Variants in RAB27A observed in about 807,000 individuals in gnomAD.
RAB27A encodes the protein ras-related protein Rab-27A.
A neutral mutation model predicts 20.8 loss-of-function variants in RAB27A; 17 were observed. That is an observed-to-expected ratio of 0.82 (90% CI 0.56 to 1.23). The LOEUF (loss-of-function observed/expected upper bound fraction) is 1.23. Ranked by LOEUF, RAB27A falls within the 50% of genes most tolerant of loss-of-function variation. The probability of loss-of-function intolerance (pLI) is 0.00; values close to 1 mark genes in which losing one functional copy is unlikely to be tolerated. For missense variants in RAB27A, 277 were observed against 266.7 expected, an observed-to-expected ratio of 1.04 and a Z score of -0.27; for synonymous variants, 85 against 92.8, an observed-to-expected ratio of 0.92 and a Z score of 0.48.
Position 55,227,990 on chromosome 15 carries a change from G to T in RAB27A, c.343+619C>A, listed in dbSNP as rs557511666. 3.3e-5 allele frequency among the ~76,000 whole-genome samples: 5 copies of T among 152,208 alleles called. No homozygotes were observed. The East Asian group carries it at 9.7e-4, about 29-fold the overall frequency. ...CAGTCAAGTGGCAGAATTCGAAATG[G>T]CTATGAACCAATCATTTAGGAGGTT... On this transcript the variant is annotated intron_variant, in intron 5 of 6. Coordinates refer to ENST00000336787, the MANE Select transcript of RAB27A (RefSeq NM_183235.3).
rs370404325 is a variant in RAB27A at position 55,215,402 on chromosome 15, C to T, written c.467+8487G>A. On this transcript the variant is annotated intron_variant, in intron 6 of 6. Transcript: ENST00000336787. ...GCGCGGTGGCTCACGCCTGTCATCCCAGCACTTTGGGAGGCCGAGGAGGGC... is the reference window on the plus strand; with the variant it reads ...GCGCGGTGGCTCACGCCTGTCATCCTAGCACTTTGGGAGGCCGAGGAGGGC... 3.9e-4 allele frequency among the ~76,000 whole-genome samples: 60 copies of T among 152,224 alleles called. No individual in the cohort carries two copies. The East Asian group carries it at 8.9e-3, about 23-fold the overall frequency.
At chr15:55,294,764 C>A (rs566226251), upstream of RAB27A, among the ~76,000 whole-genome samples, 1 of 151,876 alleles carries the variant, frequency 6.6e-6, no homozygotes, top group African/African-American at 2.4e-5. Context: ...TCTTTATGAC[C>A]CTGGGTTTGG....
intron 2 of RAB27A, among the ~76,000 whole-genome samples, chr15:55,312,772 TATTAAC>T (rs1364491736): frequency 6.6e-6 from 1 of 152,220 alleles, no homozygotes; most frequent in African/African-American, 2.4e-5. Context: ...TCCTCAAATG[TATTAAC>T]ATTATGTATT....
At position 55,249,257 on chromosome 15, in the gene RAB27A, T is replaced by G. The variant is rs539181663; in HGVS notation, c.-22-14301A>C. On this transcript the variant is annotated intron_variant, in intron 2 of 6. Transcript: ENST00000336787. ...AATGTGGTCTGCTTAACAACAAATTTGGTGGAATTTAAGAGGAATTAAGTG... is the reference window on the plus strand; with the variant it reads ...AATGTGGTCTGCTTAACAACAAATTGGGTGGAATTTAAGAGGAATTAAGTG... 5.9e-5 allele frequency among the ~76,000 whole-genome samples: 9 copies of G among 152,270 alleles called. No individual in the cohort carries two copies. The South Asian group carries it at 1.7e-3, about 28-fold the overall frequency.
In RAB27A at chr15:55,215,945, CA is replaced by C. The variant is rs1162706734; in HGVS notation, c.467+7943del. On this transcript the variant is annotated intron_variant, in intron 6 of 6. Coordinates refer to ENST00000336787, the MANE Select transcript of RAB27A (RefSeq NM_183235.3). ...TGGGCAACAGAGGGAGACGCCGTCT[CA>C]AAAAAAAAAAAAAAAAAAAAAAGAA... Among the ~76,000 whole-genome samples, 215 of 52,858 alleles carry C rather than the reference CA, an allele frequency of 4.1e-3. 3 individuals carry two copies. Among genetic ancestry groups the C allele is most frequent in the Admixed American group, 0.026 (112 of 4,388 alleles). The allele number at this position is 52,858 out of a possible 152,430, so 34.7% of individuals were successfully genotyped here. A position where few individuals can be genotyped will look rare whatever the true frequency, so the allele number is the denominator to read the frequency against.
Position 55,230,469 on chromosome 15 carries a change from C to G in RAB27A, c.171G>C (p.Gly57=). The G allele has an allele frequency of 1.2e-6, 2 of 1,613,456 alleles. No individual in the cohort carries two copies. The highest frequency in any genetic ancestry group is 1.7e-6 in the Non-Finnish European group (2 of 1,179,516). Residue 57 remains glycine (G), a synonymous_variant, in exon 4 of 7, where the codon GGG becomes GGC. Transcript: ENST00000336787. ...GGCCTCTGCCAGTGGCTCCATCCGGCCCACTGGCTCTGTACACCTAAAACA... is the reference window on the plus strand; with the variant it reads ...GGCCTCTGCCAGTGGCTCCATCCGGGCCACTGGCTCTGTACACCTAAAACA... ...REKRVVYRAS[G]PDGATGRGQR...
chr15:55,246,072 A>AAGATATATATATGATAT (rs1340965401), intron 2 of RAB27A, among the ~76,000 whole-genome samples: 3 of 151,568 alleles, frequency 2.0e-5, no homozygotes, highest in African/African-American at 7.3e-5. Context: ...GACTTCGTCT[A>AAGATATATATATGATAT]AGATATATAT....
At chr15:55,210,090 A>C (rs1595669589) in intron 6 of RAB27A, among the ~76,000 whole-genome samples, 1 of 131,854 alleles carries the variant, frequency 7.6e-6, no homozygotes, top group East Asian at 2.2e-4. Flanking sequence ...ATATACACAT[A>C]TATGTGTGTA....
chr15:55,273,121 T>C (rs1233992073), intron 1 of RAB27A, among the ~76,000 whole-genome samples: 1 of 152,122 alleles, frequency 6.6e-6, no homozygotes, highest in African/African-American at 2.4e-5. Flanking sequence ...CTGAAAGACA[T>C]AGAGGTTGGG....
chr15:55,315,488 A>C (rs1008860690), intron 1 of RAB27A, among the ~76,000 whole-genome samples: 1 of 152,210 alleles, frequency 6.6e-6, no homozygotes, highest in Admixed American at 6.5e-5. Flanking sequence ...GAATGGGAGA[A>C]AATTTTCGTA....
intron 1 of RAB27A, among the ~76,000 whole-genome samples, chr15:55,271,180 T>G (rs1025935700): frequency 6.6e-6 from 1 of 152,198 alleles, no homozygotes; most frequent in Non-Finnish European, 1.5e-5. Context: ...ACTCTCCTGT[T>G]AATGGCTCCC....
intron 2 of RAB27A, among the ~76,000 whole-genome samples, chr15:55,250,189 C>G (rs1005263741): frequency 6.6e-6 from 1 of 152,116 alleles, no homozygotes; most frequent in African/African-American, 2.4e-5. Flanking sequence ...GTCTCAAACT[C>G]CTGATCTCAA....
At chr15:55,299,796 T>A (rs1416780557) in intron 2 of RAB27A, among the ~76,000 whole-genome samples, 1 of 151,950 alleles carries the variant, frequency 6.6e-6, no homozygotes, top group African/African-American at 2.4e-5. Context: ...TAGATAATAA[T>A]GTTATAGCAA....
intron 6 of RAB27A, among the ~76,000 whole-genome samples, chr15:55,207,863 G>C (rs1280195551): frequency 6.6e-6 from 1 of 151,990 alleles, no homozygotes; most frequent in African/African-American, 2.4e-5. Context: ...TATCATGTTG[G>C]CCAGGCTGGT....
At chr15:55,230,022 C>A (rs1050509557) in intron 4 of RAB27A, among the ~76,000 whole-genome samples, 5 of 152,118 alleles carry the variant, frequency 3.3e-5, no homozygotes, top group Non-Finnish European at 7.3e-5. Context: ...GGTCAAGTAA[C>A]CCCTGGTCAC....
At chr15:55,210,732 G>A (rs1013100852) in intron 6 of RAB27A, among the ~76,000 whole-genome samples, 18 of 151,932 alleles carry the variant, frequency 1.2e-4, no homozygotes, top group African/African-American at 4.4e-4. Context: ...TCTTCATTTT[G>A]TTGTTTCCTT....
chr15:55,309,877 C>T (rs561221896), intron 2 of RAB27A, among the ~76,000 whole-genome samples: 1 of 152,150 alleles, frequency 6.6e-6, no homozygotes, highest in African/African-American at 2.4e-5. Context: ...CTTTTAGGTC[C>T]TTAACAATTT....
At chr15:55,283,658 T>A (rs778030831) in intron 1 of RAB27A, among the ~76,000 whole-genome samples, 22 of 152,216 alleles carry the variant, frequency 1.4e-4, no homozygotes, top group Non-Finnish European at 2.5e-4. Context: ...CGATTTATTA[T>A]GAAAATCACT....
Position 55,203,580 on chromosome 15 carries a change from C to A in RAB27A, c.*1927G>T, listed in dbSNP as rs1288599791. 7.8e-5 allele frequency: 8 copies of A among 103,044 alleles called. No individual in the cohort carries two copies. Among genetic ancestry groups the A allele is most frequent in the Non-Finnish European group, 1.1e-4 (6 of 52,770 alleles). 6.4% of individuals were successfully genotyped at this position (103,044 alleles called of 1,614,324 possible). ...CAGGTGCCCACCACCACGCCCAGCC[C>A]ATTTTTTTTTTTTTTTTTTTTTTAG... On this transcript the variant is annotated 3_prime_UTR_variant, in exon 7 of 7. Transcript: ENST00000336787.
Sources: allele counts gnomAD v4.1 joint callset (sites outside exome capture counted in the v4.1 genomes callset), GRCh38; gene constraint gnomAD v4.1.1; transcripts MANE v1.5; gene names NCBI Gene and HGNC (gene_info 2026-07-23, HGNC 2026-07-21).